The following DAB1 variants were observed in gnomAD, a reference collection of about 807,000 sequenced individuals.
DAB1 encodes the protein DAB adaptor protein 1, also known as disabled homolog 1.
In DAB1, 15 loss-of-function variants were observed where a neutral mutation model predicts 64.6. The observed-to-expected ratio is 0.23, with a 90% CI of 0.16 to 0.36. DAB1 has a LOEUF of 0.36. Among genes scored for constraint, DAB1 ranks in the 10% least tolerant of loss-of-function variants. DAB1 has a pLI of 1.00. For missense variants in DAB1, 596 were observed against 706.7 expected, an observed-to-expected ratio of 0.84 and a Z score of 1.78; for synonymous variants, 235 against 251.9, an observed-to-expected ratio of 0.93 and a Z score of 0.64.
chr1:57,425,896 T>A (rs1172252946), upstream of DAB1, among the ~76,000 whole-genome samples: 1 of 152,188 alleles, frequency 6.6e-6, no homozygotes, highest in East Asian at 1.9e-4. Flanking sequence ...AGTTCAGGCT[T>A]ACCAGGCAAC....
intron 1 of DAB1, among the ~76,000 whole-genome samples, chr1:57,842,660 G>T (rs528828883): frequency 8.5e-5 from 13 of 152,270 alleles, no homozygotes; most frequent in Middle Eastern, 6.8e-3. Context: ...GGCAAGCAAG[G>T]GGGGGATGTG....
chr1:58,128,505 T>C (rs1653292550), intron 5 of DAB1, among the ~76,000 whole-genome samples: 1 of 131,598 alleles, frequency 7.6e-6, no homozygotes, highest in Non-Finnish European at 1.6e-5. Flanking sequence ...TGAATAGGAG[T>C]GGTGAGAGAG....
intron 5 of DAB1, among the ~76,000 whole-genome samples, chr1:58,141,667 C>T (rs1037942143): frequency 6.6e-6 from 1 of 152,172 alleles, no homozygotes; most frequent in Non-Finnish European, 1.5e-5. Flanking sequence ...TTGGGGATTA[C>T]ATTTCAACAC....
chr1:57,141,590 C>T (rs1394521070), intron 3 of DAB1, among the ~76,000 whole-genome samples: 1 of 152,148 alleles, frequency 6.6e-6, no homozygotes, highest in African/African-American at 2.4e-5. Context: ...GAAGTAACTC[C>T]TTCATTAAAG....
rs944843921 is a variant in DAB1 at position 57,485,009 on chromosome 1, T to G, written n.625+164583A>C. ...AGTCCTGGCACTGACTCTCACAAATTGTGTCAAGTTGAACACATCAAAAGC... is the reference window on the plus strand; with the variant it reads ...AGTCCTGGCACTGACTCTCACAAATGGTGTCAAGTTGAACACATCAAAAGC... On this transcript the variant is annotated intron_variant and non_coding_transcript_variant, in intron 7 of 20. Coordinates refer to the DAB1 transcript ENST00000485760. Among the ~76,000 whole-genome samples the G allele has an allele frequency of 2.6e-5, 4 of 152,298 alleles. No individual in the cohort carries two copies. The South Asian group carries it at 8.3e-4, about 32-fold the overall frequency.
At chr1:57,743,818 C>A (rs950460924) in intron 6 of DAB1, among the ~76,000 whole-genome samples, 1 of 152,112 alleles carries the variant, frequency 6.6e-6, no homozygotes, top group Admixed American at 6.5e-5. Context: ...AGAGATTTGC[C>A]CACATATTTA....
At chr1:57,079,288 C>A (rs1376031589) in intron 4 of DAB1, among the ~76,000 whole-genome samples, 1 of 152,118 alleles carries the variant, frequency 6.6e-6, no homozygotes, top group African/African-American at 2.4e-5. Flanking sequence ...CACTAACCCT[C>A]CTTGAGCCCA....
In DAB1 at chr1:58,220,890, C is replaced by CACAT. The variant is rs1553168386; in HGVS notation, n.310-70303_310-70302insATGT. 4.2e-4 allele frequency among the ~76,000 whole-genome samples: 59 copies of CACAT among 139,828 alleles called. 2 individuals carry two copies. In the East Asian group the frequency reaches 0.012, roughly 29 times the overall value. 91.7% of individuals were successfully genotyped at this position (139,828 alleles called of 152,430 possible). The stretch of plus-strand genomic sequence containing the variant: ...ACATATATACACACACACACACACA[C>CACAT]ATATATATATTATCAATGTGAATAC... On this transcript the variant is annotated intron_variant and non_coding_transcript_variant, in intron 4 of 20. Coordinates refer to the DAB1 transcript ENST00000485760.
intron 2 of DAB1, among the ~76,000 whole-genome samples, chr1:57,191,726 G>C (rs155295): frequency 6.6e-6 from 1 of 151,924 alleles, no homozygotes; most frequent in African/African-American, 2.4e-5. Flanking sequence ...ACCTGGAAAA[G>C]CTTATCATAT....
At chr1:57,711,131 C>T (rs1647023625) in intron 6 of DAB1, among the ~76,000 whole-genome samples, 1 of 152,174 alleles carries the variant, frequency 6.6e-6, no homozygotes, top group African/African-American at 2.4e-5. Flanking sequence ...GCAGAATTGG[C>T]TCCACTCATC....
At chr1:57,760,736 C>T (rs935562099) in intron 6 of DAB1, among the ~76,000 whole-genome samples, 1 of 151,988 alleles carries the variant, frequency 6.6e-6, no homozygotes, top group African/African-American at 2.4e-5. Flanking sequence ...AGATTGGATC[C>T]AGGTCTGCTC....
chr1:57,352,499 C>G (rs901674676), intron 1 of DAB1, among the ~76,000 whole-genome samples: 4 of 152,134 alleles, frequency 2.6e-5, no homozygotes, highest in Admixed American at 6.5e-5. Flanking sequence ...CCAACAGCAG[C>G]TCTAGTTTAC....
chr1:57,084,998 G>A (rs961078210), intron 4 of DAB1, among the ~76,000 whole-genome samples: 1 of 152,056 alleles, frequency 6.6e-6, no homozygotes, highest in African/African-American at 2.4e-5. Flanking sequence ...GCACCAAATC[G>A]CCCCCTTTTG....
intron 2 of DAB1, among the ~76,000 whole-genome samples, chr1:57,154,650 A>G (rs1463725770): frequency 6.6e-6 from 1 of 152,204 alleles, no homozygotes; most frequent in Non-Finnish European, 1.5e-5. Context: ...ACTAATTTAT[A>G]TTCTCACCAA....
intron 1 of DAB1, among the ~76,000 whole-genome samples, chr1:57,420,425 T>C (rs531025343): frequency 6.6e-6 from 1 of 152,348 alleles, no homozygotes; most frequent in Admixed American, 6.5e-5. Flanking sequence ...AGAATACAAG[T>C]ATCCACATCC....
rs114619580 is a variant in DAB1, at chr1:58,010,533, G to A, written n.388-126371C>T. On this transcript the variant is annotated intron_variant and non_coding_transcript_variant, in intron 5 of 20. Transcript: ENST00000485760. ...TGTTTATGCATCAAAAAAATCTAGC[G>A]CATTTCCCAGTTTAATTAGTTTTGT... is the stretch of plus-strand genomic sequence containing the variant. Among the ~76,000 whole-genome samples the A allele has an allele frequency of 5.6e-3, 852 of 152,238 alleles. 4 individuals are homozygous for A. The highest frequency in any genetic ancestry group is 0.019 in the African/African-American group (802 of 41,538).
chr1:58,276,540 T>C (rs148750118), intron 4 of DAB1, among the ~76,000 whole-genome samples: 19 of 152,018 alleles, frequency 1.2e-4, no homozygotes, highest in African/African-American at 4.3e-4. Context: ...TATGGGGGAG[T>C]AGTACACACC....
intron 6 of DAB1, among the ~76,000 whole-genome samples, chr1:57,740,644 A>G (rs1647943274): frequency 1.3e-5 from 2 of 152,148 alleles, no homozygotes; most frequent in African/African-American, 2.4e-5. Flanking sequence ...GTGTTTCAGC[A>G]TCCTCACAGA....
At chr1:57,505,430 T>G (rs1316099530) in intron 7 of DAB1, among the ~76,000 whole-genome samples, 1 of 152,132 alleles carries the variant, frequency 6.6e-6, no homozygotes, top group East Asian at 1.9e-4. Flanking sequence ...GCCTTCAAAA[T>G]TCTTGAGCAT....
Sources: allele counts gnomAD v4.1 joint callset (sites outside exome capture counted in the v4.1 genomes callset), GRCh38; gene constraint gnomAD v4.1.1; transcripts MANE v1.5; gene names NCBI Gene and HGNC (gene_info 2026-07-23, HGNC 2026-07-21).